The following DGKI variants were observed in gnomAD, a reference collection of about 807,000 sequenced individuals.
DGKI encodes diacylglycerol kinase iota, also known as DAG kinase iota.
Under a neutral mutation model 147.5 loss-of-function variants are expected in DGKI, and 55 were observed. That is an observed-to-expected ratio of 0.37 (90% CI 0.30 to 0.47). The LOEUF (loss-of-function observed/expected upper bound fraction) is 0.47, where lower values mean the gene tolerates loss of function less well. Among genes scored for constraint, DGKI ranks in the 20% least tolerant of loss-of-function variants. The pLI, the probability that DGKI is intolerant of heterozygous loss-of-function variation, is 1.00. For missense variants in DGKI, 1,007 were observed against 1,323.8 expected, an observed-to-expected ratio of 0.76 and a Z score of 3.71; for synonymous variants, 469 against 477.1, an observed-to-expected ratio of 0.98 and a Z score of 0.22.
chr7:137,559,062 CTTTTTTT>C (rs71177910), intron 19 of DGKI, among the ~76,000 whole-genome samples: 7 of 83,614 alleles, frequency 8.4e-5, no homozygotes, highest in African/African-American at 2.2e-4. Context: ...ACCTACAATT[CTTTTTTT>C]TTTTTTTTTT....
At chr7:137,451,375 T>C (rs1443541586) in intron 27 of DGKI, among the ~76,000 whole-genome samples, 28 of 152,226 alleles carry the variant, frequency 1.8e-4, no homozygotes. Context: ...TAGTGGCTGC[T>C]GCATTACAGA....
At chr7:137,737,191 T>C (rs994631929) in intron 1 of DGKI, among the ~76,000 whole-genome samples, 2 of 135,612 alleles carry the variant, frequency 1.5e-5, no homozygotes, top group Admixed American at 7.7e-5. Flanking sequence ...CATTCAAATA[T>C]GCCTCATTTC....
chr7:137,397,507 A>T, intron 30 of DGKI, 94 bp from the exon 31 acceptor site: 1 of 1,273,188 alleles, frequency 7.9e-7, no homozygotes, highest in Non-Finnish European at 1.1e-6. Context: ...AATGCCTTGG[A>T]AAGCTAAATT....
At chr7:137,475,671 C>T (rs768818999) in intron 23 of DGKI, among the ~76,000 whole-genome samples, 1 of 152,126 alleles carries the variant, frequency 6.6e-6, no homozygotes, top group African/African-American at 2.4e-5. Flanking sequence ...GAAGCATGGA[C>T]CATGTCGTTA....
At chr7:137,745,158 G>A (rs1162026999) in intron 1 of DGKI, among the ~76,000 whole-genome samples, 1 of 152,112 alleles carries the variant, frequency 6.6e-6, no homozygotes, top group Non-Finnish European at 1.5e-5. Flanking sequence ...CCGTTTGTGG[G>A]TTTCTGCCTT....
intron 6 of DGKI, among the ~76,000 whole-genome samples, chr7:137,641,953 T>C (rs1031018751): frequency 2.0e-5 from 3 of 152,226 alleles, no homozygotes; most frequent in African/African-American, 7.2e-5. Flanking sequence ...TTTTTGAATA[T>C]AGATTTTTTG....
At chr7:137,397,906 A>C (rs1811610688) in intron 30 of DGKI, among the ~76,000 whole-genome samples, 1 of 152,342 alleles carries the variant, frequency 6.6e-6, no homozygotes, top group African/African-American at 2.4e-5. Context: ...AATACTATGC[A>C]TATACATCAA....
intron 21 of DGKI, among the ~76,000 whole-genome samples, chr7:137,521,258 G>T (rs1238385043): frequency 6.6e-6 from 1 of 152,142 alleles, no homozygotes; most frequent in Non-Finnish European, 1.5e-5. Context: ...CTAGTGAGAT[G>T]AACTAACAAT....
chr7:137,714,721 T>C (rs986584364), intron 1 of DGKI, among the ~76,000 whole-genome samples: 3 of 152,184 alleles, frequency 2.0e-5, no homozygotes, highest in Non-Finnish European at 4.4e-5. Flanking sequence ...AAACTCAATA[T>C]TATCTCTAAA....
chr7:137,401,271 T>G (rs988500432), intron 30 of DGKI, among the ~76,000 whole-genome samples: 1 of 151,880 alleles, frequency 6.6e-6, no homozygotes, highest in African/African-American at 2.4e-5. Flanking sequence ...GTGGTTCACG[T>G]CTGTAATCCC....
At chr7:137,428,874 T>A (rs1420421922) in intron 28 of DGKI, among the ~76,000 whole-genome samples, 1 of 152,038 alleles carries the variant, frequency 6.6e-6, no homozygotes, top group African/African-American at 2.4e-5. Context: ...CAAGGAGAAC[T>A]ACAAACAACT....
At chr7:137,826,876 A>C (rs1172024452) in intron 1 of DGKI, among the ~76,000 whole-genome samples, 1 of 152,114 alleles carries the variant, frequency 6.6e-6, no homozygotes, top group East Asian at 1.9e-4. Context: ...TCAAATCTAA[A>C]CACCATCCGT....
chr7:137,453,452 A>G (rs1814056287), intron 27 of DGKI, among the ~76,000 whole-genome samples: 1 of 152,222 alleles, frequency 6.6e-6, no homozygotes, highest in Non-Finnish European at 1.5e-5. Context: ...CATCGACTAC[A>G]TAATCCTCTC....
chr7:137,472,419 A>G (rs1187535251), intron 23 of DGKI, among the ~76,000 whole-genome samples: 12 of 133,888 alleles, frequency 9.0e-5, no homozygotes, highest in African/African-American at 3.5e-4. Flanking sequence ...ATATATACAT[A>G]TACATATTAT....
intron 8 of DGKI, among the ~76,000 whole-genome samples, chr7:137,613,187 A>G (rs948019837): frequency 3.3e-5 from 5 of 152,258 alleles, no homozygotes; most frequent in Admixed American, 2.0e-4. Flanking sequence ...ATCCCAAGAG[A>G]AGAGATCTGT....
chr7:137,728,153 T>G (rs1332700774), intron 1 of DGKI, among the ~76,000 whole-genome samples: 3 of 152,208 alleles, frequency 2.0e-5, no homozygotes, highest in Admixed American at 1.3e-4. Flanking sequence ...TGGTGTTTCT[T>G]TTAAAATGGT....
Position 137,846,649 on chromosome 7 carries a change from T to C in DGKI, c.214A>G (p.Ser72Gly). 1 of 1,063,268 alleles carries C rather than the reference T, an allele frequency of 9.4e-7. No homozygotes were observed. The highest frequency in any genetic ancestry group is 1.1e-6 in the Non-Finnish European group (1 of 880,890). 65.9% of individuals were successfully genotyped at this position (1,063,268 alleles called of 1,614,324 possible). Residue 72 changes from serine to glycine, a missense_variant, in exon 1 of 33, where the codon AGC becomes GGC. Around this residue, in one of 5 missense-constraint regions of DGKI, gnomAD observed 137 missense variants for 114.4 expected, o/e 1.20. Transcript: ENST00000614521. This position sits in a 1 kb window ranked among gnomAD's most constrained non-coding sequence, Gnocchi z 4.0. ...EKGATGGSSS[S>G]GSGAGSCCLG... Reference sequence around the variant, plus strand: ...CAGCAGCTCCCGGCGCCGCTTCCGCTGCTGCTGCTGCCGCCCGTCGCCCCT... The same window carrying C: ...CAGCAGCTCCCGGCGCCGCTTCCGCCGCTGCTGCTGCCGCCCGTCGCCCCT...
intron 20 of DGKI, among the ~76,000 whole-genome samples, chr7:137,540,021 A>G (rs148805446): frequency 2.0e-5 from 3 of 152,328 alleles, no homozygotes; most frequent in Non-Finnish European, 2.9e-5. Flanking sequence ...TCGAGCAACT[A>G]TAAGACAACT....
At chr7:137,583,941 G>GA (rs1243440008) in intron 14 of DGKI, among the ~76,000 whole-genome samples, 2 of 152,140 alleles carry the variant, frequency 1.3e-5, no homozygotes, top group Admixed American at 6.5e-5. Flanking sequence ...TGGTTTAGGT[G>GA]AAAAAACCAT....
Sources: allele counts gnomAD v4.1 joint callset (sites outside exome capture counted in the v4.1 genomes callset), GRCh38; gene constraint gnomAD v4.1.1; regional missense constraint gnomAD v4.1.1; non-coding constraint Gnocchi (gnomAD v3.1); transcripts MANE v1.5; gene names NCBI Gene and HGNC (gene_info 2026-07-23, HGNC 2026-07-21).